LBP: variants seen among roughly 807,000 people sequenced by gnomAD.
LBP encodes lipopolysaccharide binding protein, also known as lipopolysaccharide-binding protein.
Under a neutral mutation model 56.6 loss-of-function variants are expected in LBP, and 53 were observed. The observed-to-expected ratio is 0.94, with a 90% confidence interval of 0.75 to 1.18. LBP has a LOEUF of 1.18. LBP is among the 50% of genes most tolerant of loss of function. The pLI is 0.00. For synonymous variants in LBP, 227 were observed against 247.5 expected (o/e 0.92, Z 0.78); for missense variants, 601 against 598.3 (o/e 1.00, Z -0.05).
chr20:38,375,891 T>C (rs1296779098), intron 14 of LBP, among the ~76,000 whole-genome samples: 1 of 152,192 alleles, frequency 6.6e-6, no homozygotes, highest in Non-Finnish European at 1.5e-5. Flanking sequence ...TGGCCAACTG[T>C]TCTATCTAAA....
chr20:38,353,183 G>A (rs1003012793), intron 3 of LBP, among the ~76,000 whole-genome samples: 20 of 152,036 alleles, frequency 1.3e-4, no homozygotes, highest in African/African-American at 4.8e-4. Context: ...GAAATTCACG[G>A]AACATAAAAT....
chr20:38,361,680 C>T (rs2076860605), intron 6 of LBP, among the ~76,000 whole-genome samples: 1 of 152,108 alleles, frequency 6.6e-6, no homozygotes, highest in African/African-American at 2.4e-5. Context: ...ACTGGGATGA[C>T]AGGCACGAGC....
At position 38,373,282 on chromosome 20, in the gene LBP, C is replaced by G; in HGVS notation, c.1324+147C>G. ...TCTGAGCTTAGTGACCTGCCTGTGA[C>G]ATGGGATCGTTGAAGTTGGCCTCAT... On this transcript the variant is annotated intron_variant, in intron 13 of 14. Coordinates refer to ENST00000217407, the MANE Select transcript of LBP (RefSeq NM_004139.5). The G allele has an allele frequency of 1.2e-5, 8 of 688,080 alleles. No homozygotes were observed. In the South Asian group the frequency reaches 1.4e-4, roughly 12 times the overall value. 42.6% of individuals were successfully genotyped at this position (688,080 alleles called of 1,614,324 possible).
rs1434411867 is a variant in LBP at position 38,349,680 on chromosome 20, G to T, written c.239+18G>T. The T allele has an allele frequency of 6.5e-7, 1 of 1,544,658 alleles. No individual in the cohort carries two copies. Among genetic ancestry groups the T allele is most frequent in the Non-Finnish European group, 8.8e-7 (1 of 1,130,770 alleles). ...TTCCACAGGTGGGGCTCTCCCTTCT[G>T]CTGCGGCTCTGAAGTGGCTGGAGCT... On this transcript the variant is annotated intron_variant, in intron 2 of 14. Transcript: ENST00000217407.
intron 9 of LBP, 116 bp from the exon 10 acceptor site, chr20:38,368,879 T>C: frequency 9.5e-7 from 1 of 1,050,432 alleles, no homozygotes; most frequent in Non-Finnish European, 1.4e-6. Context: ...CAGAGAATTT[T>C]GTTGGAAATA....
intron 9 of LBP, 97 bp from the exon 10 acceptor site, chr20:38,368,898 C>T (rs1012749076): frequency 8.6e-6 from 11 of 1,282,606 alleles, no homozygotes; most frequent in Admixed American, 3.8e-5. Context: ...TAAAATCAAT[C>T]GAAAGCAACT....
Position 38,373,151 on chromosome 20 carries a change from G to C in LBP, c.1324+16G>C, listed in dbSNP as rs1276789518. ...AAGTTCAATGGTAAGAATCACTGTG[G>C]ATTTTTCCAAGTCAAAAGTGAACAC... On this transcript the variant is annotated intron_variant, in intron 13 of 14. Coordinates refer to ENST00000217407, the MANE Select transcript of LBP (RefSeq NM_004139.5). 1.2e-6 allele frequency: 2 copies of C among 1,609,502 alleles called. No homozygotes were observed. The highest frequency in any genetic ancestry group is 1.7e-6 in the Non-Finnish European group (2 of 1,175,956).
chr20:38,349,689 C>T, intron 2 of LBP, 27 bp downstream of exon 2: 1 of 1,488,646 alleles, frequency 6.7e-7, no homozygotes, highest in Non-Finnish European at 9.2e-7. Flanking sequence ...TGCTGCGGCT[C>T]TGAAGTGGCT....
In LBP at chr20:38,374,076, T is replaced by A. The variant is rs1346422275; in HGVS notation, c.1401+63T>A. ...GAGGAGGTGGTTTGCATGCTAGCTT[T>A]GGGGCCATGATTCATGGGTGACACC... On this transcript the variant is annotated intron_variant, in intron 14 of 14. Coordinates refer to ENST00000217407, the MANE Select transcript of LBP (RefSeq NM_004139.5). The A allele has an allele frequency of 1.5e-5, 23 of 1,526,304 alleles. No homozygotes were observed. In the Admixed American group the frequency reaches 3.7e-4, roughly 24 times the overall value. 94.5% of individuals were successfully genotyped at this position (1,526,304 alleles called of 1,614,324 possible).
intron 10 of LBP, among the ~76,000 whole-genome samples, chr20:38,369,757 C>T (rs1050940332): frequency 6.6e-6 from 1 of 152,224 alleles, no homozygotes; most frequent in Non-Finnish European, 1.5e-5. Context: ...TCTGGATAAT[C>T]TCTGGGTGGC....
At chr20:38,353,131 A>AT (rs546505696) in intron 3 of LBP, among the ~76,000 whole-genome samples, 3 of 151,572 alleles carry the variant, frequency 2.0e-5, no homozygotes, top group Admixed American at 6.6e-5. Context: ...TATCTACCTC[A>AT]TTTTTTTTCA....
intron 3 of LBP, among the ~76,000 whole-genome samples, chr20:38,352,615 C>T (rs542590979): frequency 7.9e-5 from 12 of 152,162 alleles, no homozygotes; most frequent in South Asian, 6.2e-4. Flanking sequence ...ATTAGCTGGG[C>T]GTAGTGGCGC....
chr20:38,347,605 G>A (rs916393335), intron 1 of LBP, among the ~76,000 whole-genome samples: 1 of 152,006 alleles, frequency 6.6e-6, no homozygotes, highest in African/African-American at 2.4e-5. Flanking sequence ...TTTAAATACT[G>A]AAACAAAGCC....
In LBP at chr20:38,376,785, G is replaced by T. The variant is rs181012536; in HGVS notation, c.*116G>T. ...AAGACATTTCTGCTCTCAGCTCCGG[G>T]GGTGAGGTGTGCCTGGCCTCTGCCT... On this transcript the variant is annotated 3_prime_UTR_variant, in exon 15 of 15. Coordinates refer to ENST00000217407, the MANE Select transcript of LBP (RefSeq NM_004139.5). The T allele has an allele frequency of 3.8e-6, 4 of 1,052,824 alleles. No homozygotes were observed. The African/African-American group carries it at 4.7e-5, about 12-fold the overall frequency. The allele number at this position is 1,052,824 out of a possible 1,614,324, so 65.2% of individuals were successfully genotyped here.
At chr20:38,350,996 C>A (rs1481903875) in intron 3 of LBP, 57 bp downstream of exon 3, 2 of 1,588,098 alleles carry the variant, frequency 1.3e-6, no homozygotes, top group East Asian at 2.2e-5. Context: ...TCGCCCCATC[C>A]TTCTTAGGTC....
In LBP at chr20:38,364,703, T is replaced by G; in HGVS notation, c.872T>G (p.Leu291Arg). The G allele has an allele frequency of 1.2e-6, 2 of 1,613,996 alleles. No homozygotes were observed. Among genetic ancestry groups the G allele is most frequent in the East Asian group, 2.2e-5 (1 of 44,882 alleles). ...ISDYVFNTAS[L>R]VYHEEGYLNF... ...GATTATGTCTTCAACACGGCCAGCC[T>G]GGTTTATCATGAGGAAGGATATCTG... The change falls in exon 8 of 15, where the codon CTG becomes CGG. Residue 291 changes from leucine to arginine, a missense_variant. Physicochemically the swap from Leu to Arg is moderately radical, Grantham distance 102. Transcript: ENST00000217407.
intron 12 of LBP, 86 bp from the exon 13 acceptor site, chr20:38,372,986 T>C: frequency 8.6e-7 from 1 of 1,159,592 alleles, no homozygotes; most frequent in East Asian, 2.4e-5. Context: ...AGTTTGCTTT[T>C]CCCAAGCGTT....
intron 8 of LBP, 56 bp from the exon 9 acceptor site, chr20:38,366,712 TA>T: frequency 2.6e-6 from 4 of 1,513,150 alleles, no homozygotes; most frequent in Non-Finnish European, 3.7e-6. Context: ...CAATCTTCTT[TA>T]GACCTTCAGC....
In LBP at chr20:38,373,148, G is replaced by A. The variant is rs2076906582; in HGVS notation, c.1324+13G>A. 1.2e-6 allele frequency: 2 copies of A among 1,610,232 alleles called. No individual in the cohort carries two copies. The highest frequency in any genetic ancestry group is 8.5e-7 in the Non-Finnish European group (1 of 1,176,618). On this transcript the variant is annotated intron_variant, in intron 13 of 14. Coordinates refer to ENST00000217407, the MANE Select transcript of LBP (RefSeq NM_004139.5). ...CCCAAGTTCAATGGTAAGAATCACTGTGGATTTTTCCAAGTCAAAAGTGAA... is the reference window on the plus strand; with the variant it reads ...CCCAAGTTCAATGGTAAGAATCACTATGGATTTTTCCAAGTCAAAAGTGAA...
Sources: allele counts gnomAD v4.1 joint callset (sites outside exome capture counted in the v4.1 genomes callset), GRCh38; gene constraint gnomAD v4.1.1; transcripts MANE v1.5; gene names NCBI Gene and HGNC (gene_info 2026-07-23, HGNC 2026-07-21).